CDK17: variants seen among roughly 807,000 people sequenced by gnomAD.
The protein encoded by CDK17 is cyclin dependent kinase 17.
In CDK17, 24 loss-of-function variants were observed where a neutral mutation model predicts 77.6. That is an observed-to-expected ratio of 0.31 (90% CI 0.22 to 0.44). CDK17 has a LOEUF of 0.44. Ranked by LOEUF, CDK17 falls within the 20% of genes least tolerant of loss-of-function variation. The pLI is 1.00. For missense variants in CDK17, 429 were observed against 622.5 expected, an observed-to-expected ratio of 0.69 and a Z score of 3.31; for synonymous variants, 203 against 210.4, an observed-to-expected ratio of 0.96 and a Z score of 0.30.
chr12:96,286,192 A>T lies in CDK17; in HGVS notation c.1217-44T>A, dbSNP rs2137066893. On this transcript the variant is annotated intron_variant, in intron 12 of 16. Coordinates refer to ENST00000261211, the MANE Select transcript of CDK17 (RefSeq NM_002595.5). Reference sequence around the variant, plus strand: ...TTAAATATATTTATAAATATATATAAAATTTATATATAAAAATTATATACA... The same window carrying T: ...TTAAATATATTTATAAATATATATATAATTTATATATAAAAATTATATACA... The T allele has an allele frequency of 6.2e-6, 3 of 485,428 alleles. No individual in the cohort carries two copies. In the South Asian group the frequency reaches 1.7e-4, roughly 28 times the overall value. The allele number at this position is 485,428 out of a possible 1,614,324, so 30.1% of individuals were successfully genotyped here.
intron 1 of CDK17, among the ~76,000 whole-genome samples, chr12:96,383,672 G>A (rs1953923894): frequency 6.6e-6 from 1 of 152,154 alleles, no homozygotes. Flanking sequence ...TAAACAACGG[G>A]AGAAGGACTC....
At chr12:96,390,350 C>A (rs1954047601) in intron 1 of CDK17, among the ~76,000 whole-genome samples, 2 of 150,218 alleles carry the variant, frequency 1.3e-5, no homozygotes, top group South Asian at 4.2e-4. Flanking sequence ...AGGGTGGTCT[C>A]GAACTCCTGA....
At chr12:96,371,585 G>C (rs1953693561) in intron 1 of CDK17, among the ~76,000 whole-genome samples, 1 of 152,100 alleles carries the variant, frequency 6.6e-6, no homozygotes, top group Admixed American at 6.5e-5. Flanking sequence ...CTGAGGTCAG[G>C]AGTTGGAGGC....
chr12:96,356,361 T>C (rs1349322882), intron 1 of CDK17, among the ~76,000 whole-genome samples: 1 of 152,202 alleles, frequency 6.6e-6, no homozygotes, highest in Non-Finnish European at 1.5e-5. Flanking sequence ...AGTAACGGGA[T>C]CATGGCTCAC....
chr12:96,346,583 C>G (rs1183251424), intron 1 of CDK17, among the ~76,000 whole-genome samples: 2 of 150,776 alleles, frequency 1.3e-5, no homozygotes, highest in African/African-American at 4.9e-5. Context: ...AGCCAAGATT[C>G]CACCACTGCA....
intron 1 of CDK17, among the ~76,000 whole-genome samples, chr12:96,369,713 A>G (rs1953659521): frequency 6.6e-6 from 1 of 152,168 alleles, no homozygotes; most frequent in South Asian, 2.1e-4. Flanking sequence ...CGGGAGGTGG[A>G]GGTTGCAGTG....
intron 5 of CDK17, 34 bp from the exon 6 acceptor site, chr12:96,300,394 C>A: frequency 1.5e-5 from 14 of 924,824 alleles, no homozygotes; most frequent in Non-Finnish European, 1.9e-5. Flanking sequence ...GTAGTATTTA[C>A]TTTTTTTTTT....
chr12:96,342,129 G>C (rs1008909526), intron 1 of CDK17, among the ~76,000 whole-genome samples: 2 of 152,060 alleles, frequency 1.3e-5, no homozygotes, highest in African/African-American at 4.8e-5. Flanking sequence ...CAGTCTTTCT[G>C]AAATATCAAA....
At chr12:96,318,555 C>G (rs1218167261) in intron 3 of CDK17, among the ~76,000 whole-genome samples, 1 of 146,374 alleles carries the variant, frequency 6.8e-6, no homozygotes. Context: ...GGAAGTAAAG[C>G]TCTCCTCAGC....
At chr12:96,362,883 G>A (rs941828327) in intron 1 of CDK17, among the ~76,000 whole-genome samples, 2 of 152,134 alleles carry the variant, frequency 1.3e-5, no homozygotes, top group African/African-American at 4.8e-5. Flanking sequence ...GAGTTAGGGG[G>A]ATGGAGGGTT....
intron 10 of CDK17, among the ~76,000 whole-genome samples, chr12:96,292,015 AAGAG>A (rs763056884): frequency 2.0e-5 from 3 of 152,136 alleles, no homozygotes; most frequent in African/African-American, 4.8e-5. Context: ...AGAAAGAAAA[AAGAG>A]AGAGAGAGTA....
chr12:96,360,805 T>A (rs1469660830), intron 1 of CDK17, among the ~76,000 whole-genome samples: 1 of 152,192 alleles, frequency 6.6e-6, no homozygotes, highest in African/African-American at 2.4e-5. Context: ...TAATGTGATC[T>A]CCTGGACTTT....
chr12:96,297,797 CT>C, intron 7 of CDK17, 76 bp from the exon 8 acceptor site: 1 of 789,050 alleles, frequency 1.3e-6, no homozygotes, highest in Non-Finnish European at 2.2e-6. Flanking sequence ...AACATACGAA[CT>C]GATTAAAAGA....
intron 1 of CDK17, among the ~76,000 whole-genome samples, chr12:96,373,154 C>A (rs1953719391): frequency 6.6e-6 from 1 of 152,186 alleles, no homozygotes; most frequent in South Asian, 2.1e-4. Context: ...ATAGGAAGTT[C>A]ACTTTCTTTA....
Position 96,300,287 on chromosome 12 carries a change from T to C in CDK17, c.600+17A>G, listed in dbSNP as rs773214327. ...TAAGAAAAAAATGTGTCTTACATTTTTGAGATATTTACTTACCTCTCCAAG... is the reference window on the plus strand; with the variant it reads ...TAAGAAAAAAATGTGTCTTACATTTCTGAGATATTTACTTACCTCTCCAAG... On this transcript the variant is annotated intron_variant, in intron 6 of 16. Transcript: ENST00000261211. 21 of 1,541,136 alleles carry C rather than the reference T, an allele frequency of 1.4e-5. No individual in the cohort carries two copies. Among genetic ancestry groups the C allele is most frequent in the Middle Eastern group, 3.4e-4 (2 of 5,910 alleles).
chr12:96,380,649 A>G (rs1258310373), intron 1 of CDK17, among the ~76,000 whole-genome samples: 1 of 152,176 alleles, frequency 6.6e-6, no homozygotes, highest in Non-Finnish European at 1.5e-5. Context: ...AAGCACCAAC[A>G]TCACAAAAGG....
intron 1 of CDK17, among the ~76,000 whole-genome samples, chr12:96,355,420 T>C (rs1953379193): frequency 7.1e-6 from 1 of 140,684 alleles, no homozygotes; most frequent in African/African-American, 2.6e-5. Flanking sequence ...TTTTTTTTTT[T>C]TGGAGATGGA....
chr12:96,278,484 TAAAAG>T lies in CDK17; in HGVS notation c.*1753_*1757del, dbSNP rs1952133780. ...ACTTCATTATCTTAAGAACGACCCA[TAAAAG>T]AAAAGGACCCCACTCGGCACAGCCT... is the stretch of plus-strand genomic sequence containing the variant. On this transcript the variant is annotated 3_prime_UTR_variant, in exon 17 of 17. Coordinates refer to ENST00000261211, the MANE Select transcript of CDK17 (RefSeq NM_002595.5). 6.6e-6 allele frequency: 1 copy of T among 152,346 alleles called. No homozygotes were observed. The allele number at this position is 152,346 out of a possible 1,614,324, so 9.4% of individuals were successfully genotyped here. A position where few individuals can be genotyped will look rare whatever the true frequency, so the allele number is the denominator to read the frequency against.
At chr12:96,386,863 T>C (rs1326483875) in intron 1 of CDK17, 2 of 177,398 alleles carry the variant, frequency 1.1e-5, no homozygotes, top group Non-Finnish European at 1.3e-5. Context: ...CCCTCTGCCA[T>C]GGCCATGTAC....
Sources: gnomAD v4.1 joint callset for allele counts (sites outside exome capture counted in the v4.1 genomes callset) on GRCh38, gnomAD v4.1.1 for gene constraint, MANE v1.5 for transcripts, NCBI Gene and HGNC (gene_info 2026-07-23, HGNC 2026-07-21) for gene names.